Variants in DYNC2H1 observed in about 807,000 individuals in gnomAD.
The protein encoded by DYNC2H1 is dynein cytoplasmic 2 heavy chain 1.
DYNC2H1 carries 410 observed loss-of-function variants against 570.0 expected under a neutral mutation model. That is an observed-to-expected ratio of 0.72 (90% CI 0.66 to 0.78). DYNC2H1 has a LOEUF of 0.78. DYNC2H1 is among the 30% of genes least tolerant of loss of function. The probability of loss-of-function intolerance (pLI) is 0.00; values close to 1 mark genes in which losing one functional copy is unlikely to be tolerated. For synonymous variants in DYNC2H1, 1,688 were observed against 1,677.6 expected, an observed-to-expected ratio of 1.01 and a Z score of -0.15; for missense variants, 4,865 against 5,046.4, an observed-to-expected ratio of 0.96 and a Z score of 1.09.
rs1248405701 is a variant in DYNC2H1 at position 103,367,365 on chromosome 11, A to G, written c.12156+9006A>G. Among the ~76,000 whole-genome samples the G allele has an allele frequency of 3.3e-5, 5 of 152,176 alleles. No homozygotes were observed. The East Asian group carries it at 9.6e-4, about 29-fold the overall frequency. On this transcript the variant is annotated intron_variant, in intron 83 of 88. Transcript: ENST00000375735. ...ATTATGAAAAGTTTTAAAATCATCT[A>G]GGACACCTACTCCCATTTTTATCAG...
intron 85 of DYNC2H1, among the ~76,000 whole-genome samples, chr11:103,444,379 T>C (rs532852815): frequency 1.3e-5 from 2 of 152,178 alleles, no homozygotes; most frequent in East Asian, 3.9e-4. Context: ...TAAATCTAAA[T>C]GTCATGCCTT....
chr11:103,328,433 A>G (rs753973953), intron 82 of DYNC2H1, among the ~76,000 whole-genome samples: 1 of 152,192 alleles, frequency 6.6e-6, no homozygotes, highest in Non-Finnish European at 1.5e-5. Flanking sequence ...CCTTATTTGA[A>G]AGTAAATATT....
At chr11:103,433,311 G>A (rs1478220608) in intron 84 of DYNC2H1, among the ~76,000 whole-genome samples, 1 of 145,352 alleles carries the variant, frequency 6.9e-6, no homozygotes, top group African/African-American at 2.6e-5. Context: ...AATAATTGCT[G>A]AATGGATGAA....
rs1168155766 is a variant in DYNC2H1 at position 103,256,542 on chromosome 11, T to C, written c.10461+302T>C. 6.6e-6 allele frequency among the ~76,000 whole-genome samples: 1 copy of C among 152,186 alleles called. No individual in the cohort carries two copies. Among genetic ancestry groups the C allele is most frequent in the Non-Finnish European group, 1.5e-5 (1 of 68,030 alleles). ...AAATTGGAAATGAGTATATTGAAAATGAGTATTAGAGAATATCTTTGCCGT... is the reference window on the plus strand; with the variant it reads ...AAATTGGAAATGAGTATATTGAAAACGAGTATTAGAGAATATCTTTGCCGT... On this transcript the variant is annotated intron_variant, in intron 68 of 88. Coordinates refer to ENST00000375735, the MANE Select transcript of DYNC2H1 (RefSeq NM_001377.3). The surrounding 1 kb of genome is among the most constrained non-coding windows in gnomAD (Gnocchi z 4.0).
intron 84 of DYNC2H1, among the ~76,000 whole-genome samples, chr11:103,424,117 C>T (rs889950355): frequency 2.6e-5 from 4 of 151,966 alleles, no homozygotes; most frequent in African/African-American, 9.7e-5. Flanking sequence ...AGAATGACTG[C>T]ATGGATCCAG....
At chr11:103,382,199 C>T (rs1255387913) in intron 83 of DYNC2H1, among the ~76,000 whole-genome samples, 1 of 152,076 alleles carries the variant, frequency 6.6e-6, no homozygotes. Flanking sequence ...TTCAGAACTC[C>T]CATTAATTCT....
chr11:103,165,892 C>A lies in DYNC2H1; in HGVS notation c.4612-6C>A. 1 of 1,449,144 alleles carries A rather than the reference C, an allele frequency of 6.9e-7. No homozygotes were observed. The highest frequency in any genetic ancestry group is 1.5e-5 in the South Asian group (1 of 64,532). 89.8% of individuals were successfully genotyped at this position (1,449,144 alleles called of 1,614,324 possible). A position where few individuals can be genotyped will look rare whatever the true frequency, so the allele number is the denominator to read the frequency against. ...TTTAAAAATAATTTTTCTCTTTATT[C>A]AATAGATTTTATGCTTGGCGGAGCA... is the stretch of plus-strand genomic sequence containing the variant. On this transcript the variant is annotated splice_region_variant and splice_polypyrimidine_tract_variant and intron_variant, in intron 30 of 88. Coordinates refer to ENST00000375735, the MANE Select transcript of DYNC2H1 (RefSeq NM_001377.3).
chr11:103,313,741 A>T (rs2135421606), intron 79 of DYNC2H1, among the ~76,000 whole-genome samples: 1 of 152,314 alleles, frequency 6.6e-6, no homozygotes, highest in East Asian at 1.9e-4. Context: ...TGTATGTTTA[A>T]TGCTTAACAC....
chr11:103,341,034 C>A (rs971306798), intron 82 of DYNC2H1, among the ~76,000 whole-genome samples: 2 of 152,098 alleles, frequency 1.3e-5, no homozygotes, highest in Admixed American at 6.5e-5. Context: ...ATTGGTGGAA[C>A]CTTTTTTTAA....
intron 70 of DYNC2H1, among the ~76,000 whole-genome samples, chr11:103,274,283 C>G (rs1865823507): frequency 6.6e-6 from 1 of 151,916 alleles, no homozygotes; most frequent in Non-Finnish European, 1.5e-5. Context: ...TCACTTGAGT[C>G]CAGGAGTTTG....
chr11:103,409,922 T>C (rs1313338257), intron 84 of DYNC2H1, among the ~76,000 whole-genome samples: 2 of 152,152 alleles, frequency 1.3e-5, no homozygotes, highest in African/African-American at 2.4e-5. Context: ...TCCCTTATGG[T>C]ACTATGTCTA....
At chr11:103,309,477 T>C (rs552952255) in intron 78 of DYNC2H1, among the ~76,000 whole-genome samples, 38 of 151,682 alleles carry the variant, frequency 2.5e-4, no homozygotes, top group Non-Finnish European at 4.7e-4. Flanking sequence ...ATTACAGGCA[T>C]GAGCCATTGT....
intron 30 of DYNC2H1, among the ~76,000 whole-genome samples, chr11:103,165,120 A>T (rs939990808): frequency 1.4e-4 from 22 of 152,166 alleles, no homozygotes; most frequent in African/African-American, 5.3e-4. Flanking sequence ...CCATAATGTA[A>T]TATTTACAGA....
At chr11:103,174,677 AG>A (rs1861722203) in intron 36 of DYNC2H1, among the ~76,000 whole-genome samples, 1 of 152,174 alleles carries the variant, frequency 6.6e-6, no homozygotes, top group Non-Finnish European at 1.5e-5. Context: ...TGATTAGACT[AG>A]GTTATAAATG....
chr11:103,165,363 A>T (rs1861261455), intron 30 of DYNC2H1, among the ~76,000 whole-genome samples: 1 of 152,156 alleles, frequency 6.6e-6, no homozygotes. Flanking sequence ...TCCTGGCCTC[A>T]AGTGATCCAC....
At chr11:103,250,561 C>T (rs1864791066) in intron 65 of DYNC2H1, among the ~76,000 whole-genome samples, 1 of 152,036 alleles carries the variant, frequency 6.6e-6, no homozygotes, top group Non-Finnish European at 1.5e-5. Flanking sequence ...GCGTAGCCAA[C>T]CAACTTTTAA....
intron 82 of DYNC2H1, among the ~76,000 whole-genome samples, chr11:103,333,138 ACTTT>A (rs1453276787): frequency 2.6e-5 from 4 of 152,364 alleles, no homozygotes; most frequent in Non-Finnish European, 5.9e-5. Context: ...AAGCCAAATA[ACTTT>A]CTGTTTATAA....
intron 78 of DYNC2H1, 75 bp from the exon 79 acceptor site, chr11:103,311,803 C>T: frequency 7.0e-7 from 1 of 1,427,036 alleles, no homozygotes; most frequent in Non-Finnish European, 9.3e-7. Context: ...AAATTATGTT[C>T]TTAAATATGT....
chr11:103,125,082 A>T lies in DYNC2H1; in HGVS notation c.1662-18A>T. 1 of 1,578,760 alleles carries T rather than the reference A, an allele frequency of 6.3e-7. No homozygotes were observed. The highest frequency in any genetic ancestry group is 8.7e-7 in the Non-Finnish European group (1 of 1,155,612). On this transcript the variant is annotated intron_variant, in intron 11 of 88. Transcript: ENST00000375735. ...GTGAGAACATGAAACTTAACAGGTTATTTATTTTGTTTTATAGTATTGAGG... is the reference window on the plus strand; with the variant it reads ...GTGAGAACATGAAACTTAACAGGTTTTTTATTTTGTTTTATAGTATTGAGG...
Sources: gnomAD v4.1 joint callset for allele counts (sites outside exome capture counted in the v4.1 genomes callset) on GRCh38, gnomAD v4.1.1 for gene constraint, Gnocchi (gnomAD v3.1) non-coding constraint, MANE v1.5 for transcripts, NCBI Gene and HGNC (gene_info 2026-07-23, HGNC 2026-07-21) for gene names.